Variants in SF3B3 observed in about 807,000 individuals in gnomAD.
SF3B3 encodes SAP 130.
A neutral mutation model predicts 139.2 loss-of-function variants in SF3B3; 33 were observed. That is an observed-to-expected ratio of 0.24 (90% confidence interval 0.18 to 0.32). The LOEUF is 0.32. Ranked by LOEUF, SF3B3 falls within the 10% of genes least tolerant of loss-of-function variation. SF3B3 has a pLI of 1.00. For synonymous variants in SF3B3, 596 were observed against 563.6 expected (o/e 1.06, Z -0.81); for missense variants, 818 against 1,509.4 (o/e 0.54, Z 7.59).
chr16:70,529,860 C>T (rs1282806785), intron 3 of SF3B3, among the ~76,000 whole-genome samples: 1 of 151,820 alleles, frequency 6.6e-6, no homozygotes, highest in Admixed American at 6.6e-5. Flanking sequence ...CAGCCAGGTG[C>T]GGTGGCTCAC....
chr16:70,527,669 C>T (rs1297173554), intron 2 of SF3B3, among the ~76,000 whole-genome samples: 2 of 152,230 alleles, frequency 1.3e-5, no homozygotes, highest in Admixed American at 6.5e-5. Context: ...TTGTGACTGA[C>T]TTCACTATGT....
chr16:70,525,957 C>CAAAAAAAAAAAAAA (rs920550920), intron 1 of SF3B3, among the ~76,000 whole-genome samples: 1 of 42,272 alleles, frequency 2.4e-5, no homozygotes, highest in Non-Finnish European at 4.6e-5. Flanking sequence ...TGAGACGCCT[C>CAAAAAAAAAAAAAA]AAAAAAAAAA....
chr16:70,536,386 C>T (rs184764172), intron 6 of SF3B3, among the ~76,000 whole-genome samples: 168 of 152,032 alleles, frequency 1.1e-3, no homozygotes, highest in Middle Eastern at 3.4e-3. Flanking sequence ...TTATTTGAGA[C>T]GGAGTCTCGC....
In SF3B3 at chr16:70,556,258, C is replaced by T; in HGVS notation, c.1790C>T (p.Pro597Leu). The T allele has an allele frequency of 2.5e-6, 4 of 1,614,194 alleles. No homozygotes were observed. The highest frequency in any genetic ancestry group is 3.4e-6 in the Non-Finnish European group (4 of 1,180,016). The part of the protein sequence containing the change: ...VVCMSLANVP[P>L]GEQRSRFLAV... ...TGCATGAGTCTGGCCAATGTACCCC[C>T]TGGAGAGCAGCGGTCTCGCTTCCTG... The change falls in exon 14 of 26, where the codon CCT becomes CTT. Residue 597 changes from proline (P) to leucine (L), a missense_variant. Pro to Leu is a moderately conservative substitution (Grantham distance 98). This residue lies in a region of SF3B3 where 170 missense variants were observed against 353.0 expected (regional missense o/e 0.48). Coordinates refer to ENST00000302516, the MANE Select transcript of SF3B3 (RefSeq NM_012426.5).
intron 2 of SF3B3, among the ~76,000 whole-genome samples, chr16:70,527,577 C>T (rs748979454): frequency 7.9e-5 from 12 of 152,090 alleles, no homozygotes; most frequent in Non-Finnish European, 1.5e-4. Flanking sequence ...GCTCTTCCTG[C>T]GGGTTTGAGT....
chr16:70,574,647 A>G lies in SF3B3; in HGVS notation c.*2834A>G, dbSNP rs760535744. On this transcript the variant is annotated 3_prime_UTR_variant, in exon 26 of 26. Coordinates refer to ENST00000302516, the MANE Select transcript of SF3B3 (RefSeq NM_012426.5). Reference sequence around the variant, plus strand: ...ATAGCTGGAACTACAGGCATGTGCCATCACGTCCAGCTAATTTTTGTATTT... The same window carrying G: ...ATAGCTGGAACTACAGGCATGTGCCGTCACGTCCAGCTAATTTTTGTATTT... 1.3e-5 allele frequency: 2 copies of G among 152,254 alleles called. No homozygotes were observed. Among genetic ancestry groups the G allele is most frequent in the Non-Finnish European group, 2.9e-5 (2 of 68,068 alleles). 9.4% of individuals were successfully genotyped at this position (152,254 alleles called of 1,614,324 possible). A position where few individuals can be genotyped will look rare whatever the true frequency, so the allele number is the denominator to read the frequency against.
At chr16:70,529,603 T>A (rs946323266) in intron 3 of SF3B3, 5 of 188,556 alleles carry the variant, frequency 2.7e-5, no homozygotes, top group Non-Finnish European at 4.5e-5. Context: ...AGGGCAGTCA[T>A]AAATCGTTAG....
In SF3B3 at chr16:70,571,957, C is replaced by G. The variant is rs1402372323; in HGVS notation, c.*144C>G. The G allele has an allele frequency of 1.0e-6, 1 of 979,212 alleles. No homozygotes were observed. Among genetic ancestry groups the G allele is most frequent in the Non-Finnish European group, 1.5e-6 (1 of 656,438 alleles). 60.7% of individuals were successfully genotyped at this position (979,212 alleles called of 1,614,324 possible). A position where few individuals can be genotyped will look rare whatever the true frequency, so the allele number is the denominator to read the frequency against. ...ATGAAAGTCAACAGCTCTTTCCCCT[C>G]AGCTCTTCTCCTGGAATGACTGGCT... is the stretch of plus-strand genomic sequence containing the variant. On this transcript the variant is annotated 3_prime_UTR_variant, in exon 26 of 26. Transcript: ENST00000302516.
In SF3B3 at chr16:70,576,123, C is replaced by T. The variant is rs2050577881; in HGVS notation, c.*4310C>T. The stretch of plus-strand genomic sequence containing the variant: ...AAAGAGTCTGCTGGTGATGTCTGGG[C>T]ATGTGTCTGCTTCACAGTCCAGTGT... On this transcript the variant is annotated 3_prime_UTR_variant, in exon 26 of 26. Coordinates refer to ENST00000302516, the MANE Select transcript of SF3B3 (RefSeq NM_012426.5). The T allele has an allele frequency of 6.6e-6, 1 of 151,712 alleles. No individual in the cohort carries two copies. Among genetic ancestry groups the T allele is most frequent in the South Asian group, 2.1e-4 (1 of 4,818 alleles). 9.4% of individuals were successfully genotyped at this position (151,712 alleles called of 1,614,324 possible). A position where few individuals can be genotyped will look rare whatever the true frequency, so the allele number is the denominator to read the frequency against.
chr16:70,554,736 C>A, intron 12 of SF3B3, 139 bp downstream of exon 12: 1 of 815,384 alleles, frequency 1.2e-6, no homozygotes, highest in Non-Finnish European at 1.9e-6. Flanking sequence ...GATTTGGGCA[C>A]ATAATATCCC....
rs578129819 is a variant in SF3B3, at chr16:70,576,166, A to T, written c.*4353A>T. ...TCCAGTGTTATGATCAGTAGCTGTG[A>T]TGGACAATGAACATTGCTGCTTGTT... On this transcript the variant is annotated 3_prime_UTR_variant, in exon 26 of 26. Coordinates refer to ENST00000302516, the MANE Select transcript of SF3B3 (RefSeq NM_012426.5). 1 of 152,116 alleles carries T rather than the reference A, an allele frequency of 6.6e-6. No homozygotes were observed. The highest frequency in any genetic ancestry group is 1.9e-4 in the East Asian group (1 of 5,168). The allele number at this position is 152,116 out of a possible 1,614,324, so 9.4% of individuals were successfully genotyped here.
chr16:70,569,028 G>A lies in SF3B3; in HGVS notation c.3166-15G>A. ...TCCGGGCCCCAGCAGTGTGACTTGT[G>A]TCACTTCCTTGTAGGTGAGGCTCCC... On this transcript the variant is annotated splice_polypyrimidine_tract_variant and intron_variant, in intron 22 of 25. Coordinates refer to ENST00000302516, the MANE Select transcript of SF3B3 (RefSeq NM_012426.5). The A allele has an allele frequency of 6.3e-7, 1 of 1,591,360 alleles. No homozygotes were observed. Among genetic ancestry groups the A allele is most frequent in the Non-Finnish European group, 8.6e-7 (1 of 1,165,300 alleles).
intron 13 of SF3B3, 69 bp downstream of exon 13, chr16:70,555,275 T>C (rs1362250916): frequency 1.4e-6 from 2 of 1,389,416 alleles, no homozygotes; most frequent in African/African-American, 2.9e-5. Flanking sequence ...CATTGTAGTC[T>C]AGTCATTTAG....
chr16:70,560,305 G>A (rs1400507752), intron 15 of SF3B3, 164 bp from the exon 16 acceptor site: 2 of 588,902 alleles, frequency 3.4e-6, no homozygotes, highest in Non-Finnish European at 5.5e-6. Context: ...TTTACTGAGA[G>A]AATGAAATGA....
chr16:70,531,278 G>A (rs1219098458), intron 4 of SF3B3, among the ~76,000 whole-genome samples: 1 of 151,868 alleles, frequency 6.6e-6, no homozygotes, highest in Non-Finnish European at 1.5e-5. Context: ...AAAAAAAAAC[G>A]AAAAGATCGT....
At chr16:70,559,125 G>A (rs992141714) in intron 15 of SF3B3, among the ~76,000 whole-genome samples, 2 of 152,228 alleles carry the variant, frequency 1.3e-5, no homozygotes, top group African/African-American at 2.4e-5. Context: ...TAAAGTTCCC[G>A]TCAACCCTTT....
chr16:70,543,235 C>A (rs976491280), intron 9 of SF3B3, among the ~76,000 whole-genome samples: 1 of 150,764 alleles, frequency 6.6e-6, no homozygotes, highest in African/African-American at 2.4e-5. Flanking sequence ...TGGAGAAACC[C>A]TGTCTCTACT....
intron 5 of SF3B3, 58 bp downstream of exon 5, chr16:70,532,678 C>T: frequency 4.6e-6 from 7 of 1,535,542 alleles, no homozygotes; most frequent in Non-Finnish European, 6.3e-6. Flanking sequence ...TATGCCCAAA[C>T]CTAATAGGTT....
chr16:70,561,411 G>T, intron 16 of SF3B3: 1 of 498,432 alleles, frequency 2.0e-6, no homozygotes, highest in African/African-American at 1.9e-5. Flanking sequence ...ATGAAATGGT[G>T]AGTCTAGATC....
Sources: gnomAD v4.1 joint callset for allele counts (sites outside exome capture counted in the v4.1 genomes callset) on GRCh38, gnomAD v4.1.1 for gene constraint, gnomAD v4.1.1 regional missense constraint, MANE v1.5 for transcripts, NCBI Gene and HGNC (gene_info 2026-07-23, HGNC 2026-07-21) for gene names.